The following CLPB variants were observed in gnomAD, a reference collection of about 807,000 sequenced individuals.
The protein encoded by CLPB is ClpB family mitochondrial disaggregase.
A neutral mutation model predicts 78.4 loss-of-function variants in CLPB; 40 were observed. The ratio of observed to expected loss-of-function variants is 0.51; its 90% confidence interval spans 0.40 to 0.66. The LOEUF is 0.66. Among genes scored for constraint, CLPB ranks in the 30% least tolerant of loss-of-function variants. The pLI, the probability that CLPB is intolerant of heterozygous loss-of-function variation, is 0.00. For synonymous variants in CLPB, 333 were observed against 348.0 expected (o/e 0.96, Z 0.48); for missense variants, 780 against 886.9 (o/e 0.88, Z 1.53).
At chr11:72,406,984 TA>T (rs1281292667) in intron 2 of CLPB, among the ~76,000 whole-genome samples, 1 of 152,204 alleles carries the variant, frequency 6.6e-6, no homozygotes, top group East Asian at 1.9e-4. Context: ...CTCATATTGC[TA>T]AGTATGCAAT....
At chr11:72,322,694 A>T (rs980515720) in intron 6 of CLPB, among the ~76,000 whole-genome samples, 1 of 152,202 alleles carries the variant, frequency 6.6e-6, no homozygotes, top group African/African-American at 2.4e-5. Context: ...GATTTATCTC[A>T]TAACTGGTAG....
At chr11:72,382,664 A>C (rs1322537253) in intron 3 of CLPB, among the ~76,000 whole-genome samples, 2 of 152,206 alleles carry the variant, frequency 1.3e-5, no homozygotes, top group East Asian at 3.9e-4. Context: ...TCATTCATGA[A>C]CCACACAAGA....
At chr11:72,294,734 G>T in intron 12 of CLPB, 41 bp from the exon 13 acceptor site, 1 of 1,532,118 alleles carries the variant, frequency 6.5e-7, no homozygotes. Context: ...CCCACATTCA[G>T]GGAACTTTGG....
At chr11:72,394,945 G>C (rs1178825195) in intron 3 of CLPB, among the ~76,000 whole-genome samples, 1 of 152,140 alleles carries the variant, frequency 6.6e-6, no homozygotes, top group Non-Finnish European at 1.5e-5. Flanking sequence ...CATGTTCTTG[G>C]GTTCCCTGCC....
chr11:72,303,569 C>T (rs545381249), intron 9 of CLPB, among the ~76,000 whole-genome samples: 30 of 152,260 alleles, frequency 2.0e-4, no homozygotes, highest in African/African-American at 5.5e-4. Context: ...GCTCTTGGCT[C>T]CTCTCCCTGC....
intron 8 of CLPB, among the ~76,000 whole-genome samples, chr11:72,308,261 C>T (rs1949780200): frequency 6.6e-6 from 1 of 152,084 alleles, no homozygotes; most frequent in African/African-American, 2.4e-5. Context: ...GTTAATGGGC[C>T]CTGAAGGGCC....
intron 4 of CLPB, chr11:72,373,064 G>A: frequency 1.3e-6 from 2 of 1,531,996 alleles, no homozygotes; most frequent in Non-Finnish European, 1.8e-6. Flanking sequence ...AGGTCCTGCA[G>A]GCCCTGGAGC....
chr11:72,431,606 C>T (rs1022676600), intron 1 of CLPB, among the ~76,000 whole-genome samples: 2 of 152,122 alleles, frequency 1.3e-5, no homozygotes, highest in African/African-American at 4.8e-5. Flanking sequence ...CTTACCTTAC[C>T]GGATGTACCT....
chr11:72,329,687 C>T lies in CLPB; in HGVS notation c.873+20G>A. 6.4e-7 allele frequency: 1 copy of T among 1,574,644 alleles called. No homozygotes were observed. The highest frequency in any genetic ancestry group is 8.7e-7 in the Non-Finnish European group (1 of 1,145,048). ...GATGCATGGAGTACCCACAGGCCTC[C>T]TCCCTTCCCTGAGACTTACCTTGGC... is the stretch of plus-strand genomic sequence containing the variant. On this transcript the variant is annotated intron_variant, in intron 6 of 15. Coordinates refer to ENST00000538039, the MANE Select transcript of CLPB (RefSeq NM_001258392.3).
intron 3 of CLPB, among the ~76,000 whole-genome samples, chr11:72,396,951 C>G (rs1481739512): frequency 6.6e-6 from 1 of 152,132 alleles, no homozygotes; most frequent in South Asian, 2.1e-4. Flanking sequence ...GAGTAAAATT[C>G]ATCCTTTTTA....
chr11:72,325,832 G>A (rs2135543589), intron 6 of CLPB, among the ~76,000 whole-genome samples: 1 of 152,270 alleles, frequency 6.6e-6, no homozygotes, highest in South Asian at 2.1e-4. Context: ...CACATTTTTG[G>A]AAAACTCTGG....
At chr11:72,320,607 A>T (rs1391897846) in intron 6 of CLPB, among the ~76,000 whole-genome samples, 1 of 152,210 alleles carries the variant, frequency 6.6e-6, no homozygotes. Flanking sequence ...GGACACTGAG[A>T]TTAAGCCAGG....
rs1491364675 is a variant in CLPB at position 72,287,800 on chromosome 11, A to AGAG, written c.*5564_*5566dup. 2 of 152,152 alleles carry AGAG rather than the reference A, an allele frequency of 1.3e-5. No individual in the cohort carries two copies. Among genetic ancestry groups the AGAG allele is most frequent in the Non-Finnish European group, 2.9e-5 (2 of 68,032 alleles). 9.4% of individuals were successfully genotyped at this position (152,152 alleles called of 1,614,324 possible). A position where few individuals can be genotyped will look rare whatever the true frequency, so the allele number is the denominator to read the frequency against. On this transcript the variant is annotated 3_prime_UTR_variant, in exon 16 of 16. Coordinates refer to ENST00000538039, the MANE Select transcript of CLPB (RefSeq NM_001258392.3). ...CCTCTGATTTCAAATTTGTTGCCAT[A>AGAG]GAGTTCTATTCTTCTTCTCAATTCC... is the stretch of plus-strand genomic sequence containing the variant.
chr11:72,302,553 TA>T, intron 9 of CLPB: 1 of 564,280 alleles, frequency 1.8e-6, no homozygotes, highest in Non-Finnish European at 3.2e-6. Context: ...TTCTCTTCCT[TA>T]AAAGACCCAA....
intron 3 of CLPB, among the ~76,000 whole-genome samples, chr11:72,397,088 T>G (rs1855428140): frequency 6.6e-6 from 1 of 152,250 alleles, no homozygotes; most frequent in African/African-American, 2.4e-5. Context: ...TCCCAAACAC[T>G]GGCAACCACC....
chr11:72,394,886 C>A (rs534144779), intron 3 of CLPB, among the ~76,000 whole-genome samples: 1 of 152,222 alleles, frequency 6.6e-6, no homozygotes, highest in Admixed American at 6.5e-5. Flanking sequence ...GGCAGGTGGC[C>A]ACCTGTAACA....
chr11:72,429,310 C>T (rs931232292), intron 2 of CLPB, among the ~76,000 whole-genome samples: 3 of 152,074 alleles, frequency 2.0e-5, no homozygotes, highest in Non-Finnish European at 2.9e-5. Context: ...ACATTAATAC[C>T]CAAAAGCACC....
chr11:72,419,004 T>C (rs758371038), intron 2 of CLPB, among the ~76,000 whole-genome samples: 111 of 152,040 alleles, frequency 7.3e-4, no homozygotes, highest in Non-Finnish European at 1.3e-3. Flanking sequence ...AGGCAGGACA[T>C]AGTAGAGCCT....
At chr11:72,403,678 A>G (rs1855627262) in intron 2 of CLPB, among the ~76,000 whole-genome samples, 1 of 152,222 alleles carries the variant, frequency 6.6e-6, no homozygotes, top group South Asian at 2.1e-4. Context: ...CAACTCAAGG[A>G]AAGATGGAAA....
Sources: gnomAD v4.1 joint callset for allele counts (sites outside exome capture counted in the v4.1 genomes callset) on GRCh38, gnomAD v4.1.1 for gene constraint, MANE v1.5 for transcripts, NCBI Gene and HGNC (gene_info 2026-07-23, HGNC 2026-07-21) for gene names.